Variants in LIPC observed in about 807,000 individuals in gnomAD.
LIPC encodes hepatic triacylglycerol lipase.
A neutral mutation model predicts 50.7 loss-of-function variants in LIPC; 44 were observed. That is an observed-to-expected ratio of 0.87 (90% CI 0.68 to 1.11). The LOEUF (loss-of-function observed/expected upper bound fraction) is 1.11, where lower values mean the gene tolerates loss of function less well. LIPC is among the 50% of genes most tolerant of loss of function. LIPC has a pLI of 0.00. For missense variants in LIPC, 697 were observed against 648.2 expected (o/e 1.08, Z -0.82); for synonymous variants, 271 against 256.4 (o/e 1.06, Z -0.54).
chr15:58,456,513 C>T (rs1228534518), intron 1 of LIPC, among the ~76,000 whole-genome samples: 1 of 152,248 alleles, frequency 6.6e-6, no homozygotes, highest in Non-Finnish European at 1.5e-5. Flanking sequence ...GGGCACATCT[C>T]CCCTGATGCA....
chr15:58,515,525 T>C lies in LIPC; in HGVS notation c.89-22808T>C, dbSNP rs77567224. On this transcript the variant is annotated intron_variant, in intron 1 of 8. Coordinates refer to ENST00000299022, the MANE Select transcript of LIPC (RefSeq NM_000236.3). ...GTGATATAAAAGAGGTCTTTGCATA[T>C]ACACACACATATATATATATATATA... Among the ~76,000 whole-genome samples, 262 of 142,028 alleles carry C rather than the reference T, an allele frequency of 1.8e-3. 2 individuals carry two copies. The highest frequency in any genetic ancestry group is 6.7e-3 in the African/African-American group (251 of 37,722). The allele number at this position is 142,028 out of a possible 152,430, so 93.2% of individuals were successfully genotyped here.
At chr15:58,528,122 A>G (rs1430120097) in intron 1 of LIPC, among the ~76,000 whole-genome samples, 1 of 146,014 alleles carries the variant, frequency 6.8e-6, no homozygotes, top group African/African-American at 2.6e-5. Context: ...CCTGAGTGAC[A>G]AGAGCAAAAC....
intron 6 of LIPC, among the ~76,000 whole-genome samples, chr15:58,552,102 A>T (rs1297591434): frequency 6.6e-6 from 1 of 152,172 alleles, no homozygotes; most frequent in African/African-American, 2.4e-5. Context: ...TACGGAGTAA[A>T]TCCTGTTTCG....
intron 1 of LIPC, among the ~76,000 whole-genome samples, chr15:58,507,038 C>T (rs761444852): frequency 1.5e-4 from 23 of 152,266 alleles, no homozygotes; most frequent in Non-Finnish European, 2.9e-4. Flanking sequence ...AACTCACTGT[C>T]ACAAGAACAA....
intron 1 of LIPC, among the ~76,000 whole-genome samples, chr15:58,500,380 G>A (rs542818897): frequency 2.0e-5 from 3 of 152,158 alleles, no homozygotes; most frequent in Non-Finnish European, 4.4e-5. Flanking sequence ...CCTCTTCACT[G>A]TCACGCTTGC....
At chr15:58,489,204 A>C in intron 1 of LIPC, among the ~76,000 whole-genome samples, 1 of 54,446 alleles carries the variant, frequency 1.8e-5, no homozygotes, top group Non-Finnish European at 3.2e-5. Flanking sequence ...ACCATTAGGG[A>C]TTCATTTTGT....
chr15:58,434,514 C>T (rs1893227540), intron 1 of LIPC, among the ~76,000 whole-genome samples: 1 of 152,184 alleles, frequency 6.6e-6, no homozygotes, highest in Non-Finnish European at 1.5e-5. Context: ...TACCTGCAGC[C>T]TCAATCTGTC....
At position 58,568,988 on chromosome 15, in the gene LIPC, A is replaced by T. The variant is rs1894475163; in HGVS notation, c.*161A>T. On this transcript the variant is annotated 3_prime_UTR_variant, in exon 9 of 9. Coordinates refer to ENST00000299022, the MANE Select transcript of LIPC (RefSeq NM_000236.3). ...TTTCACTCTCATAAACTGAGCTTTT[A>T]AAAACGATATGATATAACTATTTTC... 1 of 528,006 alleles carries T rather than the reference A, an allele frequency of 1.9e-6. No individual in the cohort carries two copies. Among genetic ancestry groups the T allele is most frequent in the Admixed American group, 3.4e-5 (1 of 29,264 alleles). The allele number at this position is 528,006 out of a possible 1,614,324, so 32.7% of individuals were successfully genotyped here. A position where few individuals can be genotyped will look rare whatever the true frequency, so the allele number is the denominator to read the frequency against.
intron 1 of LIPC, among the ~76,000 whole-genome samples, chr15:58,459,105 G>A (rs921790319): frequency 6.6e-6 from 1 of 152,086 alleles, no homozygotes; most frequent in African/African-American, 2.4e-5. Context: ...ATTTTTTTAG[G>A]TGAGGTATGT....
chr15:58,471,336 G>GGGGA (rs35752762), intron 1 of LIPC, among the ~76,000 whole-genome samples: 5 of 135,006 alleles, frequency 3.7e-5, no homozygotes, highest in Non-Finnish European at 6.2e-5. Context: ...GATGGGGGGG[G>GGGGA]GTGGTCTCAC....
intron 1 of LIPC, among the ~76,000 whole-genome samples, chr15:58,483,379 C>A (rs1194106207): frequency 6.6e-6 from 1 of 152,094 alleles, no homozygotes; most frequent in East Asian, 1.9e-4. Flanking sequence ...GGGCTCAGAT[C>A]GGATATTTGG....
intron 1 of LIPC, among the ~76,000 whole-genome samples, chr15:58,496,181 T>C (rs1445935671): frequency 1.3e-5 from 2 of 152,116 alleles, no homozygotes; most frequent in Non-Finnish European, 2.9e-5. Flanking sequence ...TCTGGGGGCA[T>C]CTTTGCTTGG....
At chr15:58,454,403 G>A (rs1169297278) in intron 1 of LIPC, 1 of 152,244 alleles carries the variant, frequency 6.6e-6, no homozygotes, top group Non-Finnish European at 1.5e-5. Context: ...CTGGGCTGGG[G>A]GAAAGGGTGG....
At chr15:58,532,442 A>G (rs17269348) in intron 1 of LIPC, among the ~76,000 whole-genome samples, 11,770 of 152,234 alleles carry the variant, frequency 0.077, 604 homozygotes, top group Non-Finnish European at 0.12. Flanking sequence ...CAGGGCAATT[A>G]TGAAATTTCG....
At chr15:58,455,886 A>G (rs1344292156) in intron 1 of LIPC, among the ~76,000 whole-genome samples, 1 of 152,138 alleles carries the variant, frequency 6.6e-6, no homozygotes, top group Non-Finnish European at 1.5e-5. Context: ...GTATCCACCA[A>G]TGCACCACTG....
At chr15:58,443,271 C>A (rs1470921700) in intron 1 of LIPC, among the ~76,000 whole-genome samples, 1 of 152,154 alleles carries the variant, frequency 6.6e-6, no homozygotes, top group Admixed American at 6.6e-5. Context: ...GTGGGTCTGG[C>A]CACTACTTAT....
chr15:58,557,988 G>A (rs1894016622), intron 6 of LIPC, among the ~76,000 whole-genome samples: 1 of 152,144 alleles, frequency 6.6e-6, no homozygotes, highest in Non-Finnish European at 1.5e-5. Context: ...AGGCTTCTGG[G>A]ATGACAGGCT....
At chr15:58,546,711 A>G (rs1232824928) in intron 5 of LIPC, among the ~76,000 whole-genome samples, 2 of 152,170 alleles carry the variant, frequency 1.3e-5, no homozygotes, top group African/African-American at 4.8e-5. Flanking sequence ...AGACATGCCA[A>G]TCACTCCAAG....
chr15:58,450,820 T>C (rs1307549218), intron 1 of LIPC, among the ~76,000 whole-genome samples: 3 of 152,172 alleles, frequency 2.0e-5, no homozygotes, highest in Non-Finnish European at 4.4e-5. Context: ...CAATGGTCCC[T>C]AAGCGATTTT....
Sources: gnomAD v4.1 joint callset for allele counts (sites outside exome capture counted in the v4.1 genomes callset) on GRCh38, gnomAD v4.1.1 for gene constraint, MANE v1.5 for transcripts, NCBI Gene and HGNC (gene_info 2026-07-23, HGNC 2026-07-21) for gene names.